The following AKR7A3 variants were observed in gnomAD, a reference collection of about 807,000 sequenced individuals.
AKR7A3 encodes AFB1 aldehyde reductase 2.
A neutral mutation model predicts 32.5 loss-of-function variants in AKR7A3; 37 were observed. The observed-to-expected ratio is 1.14, with a 90% CI of 0.88 to 1.50. The LOEUF is 1.50. Among genes scored for constraint, AKR7A3 ranks in the 40% most tolerant of loss-of-function variants. The pLI is 0.00. For synonymous variants in AKR7A3, 177 were observed against 188.4 expected, an observed-to-expected ratio of 0.94 and a Z score of 0.50; for missense variants, 412 against 453.2, an observed-to-expected ratio of 0.91 and a Z score of 0.83.
downstream of AKR7A3, among the ~76,000 whole-genome samples, chr1:19,281,967 G>A (rs1028564920): frequency 6.6e-6 from 1 of 151,916 alleles, no homozygotes; most frequent in African/African-American, 2.4e-5. Flanking sequence ...TGACTTGTTT[G>A]ATTATACAGG....
chr1:19,275,682 G>T, the AKR7A3 span, among the ~76,000 whole-genome samples: 1 of 151,748 alleles, frequency 6.6e-6, no homozygotes, highest in Non-Finnish European at 1.5e-5. Context: ...GCATGTGCCT[G>T]TGGTCCCAGT....
chr1:19,282,638 C>T lies in AKR7A3; in HGVS notation c.*93G>A. On this transcript the variant is annotated 3_prime_UTR_variant, in exon 7 of 7. Coordinates refer to ENST00000361640, the MANE Select transcript of AKR7A3 (RefSeq NM_012067.3). Reference sequence around the variant, plus strand: ...GGTTTTTGTCCAAATACTTCCATCCCTAAGAATTTACTGAGGCAGTTCTAA... The same window carrying T: ...GGTTTTTGTCCAAATACTTCCATCCTTAAGAATTTACTGAGGCAGTTCTAA... 6.3e-7 allele frequency: 1 copy of T among 1,587,134 alleles called. No homozygotes were observed. The highest frequency in any genetic ancestry group is 1.4e-5 in the African/African-American group (1 of 73,450).
rs1418168975 is a variant in AKR7A3 at position 19,284,085 on chromosome 1, C to T, written c.745G>A (p.Glu249Lys). 1 of 1,613,528 alleles carries T rather than the reference C, an allele frequency of 6.2e-7. No individual in the cohort carries two copies. The highest frequency in any genetic ancestry group is 8.5e-7 in the Non-Finnish European group (1 of 1,179,832). ...EHHFEGIALV[E>K]KALQAAYGAS... ...CCATACGCGGCCTGCAGGGCCTTCT[C>T]CACCAGGGCAATGCCCTCAAAGTGG... The change falls in exon 6 of 7, where the codon GAG becomes AAG. Residue 249 changes from glutamate (E) to lysine (K), a missense_variant. Physicochemically the swap from Glu to Lys is moderately conservative, Grantham distance 56. Transcript: ENST00000361640.
At position 19,282,716 on chromosome 1, in the gene AKR7A3, T is replaced by C. The variant is rs1324107616; in HGVS notation, c.*15A>G. The stretch of plus-strand genomic sequence containing the variant: ...TGTTACAGAAGAGCCTTGGGCAGCC[T>C]GAGAAACGATGGGCCTAGCGGAAGT... On this transcript the variant is annotated 3_prime_UTR_variant, in exon 7 of 7. Coordinates refer to ENST00000361640, the MANE Select transcript of AKR7A3 (RefSeq NM_012067.3). 2.5e-6 allele frequency: 4 copies of C among 1,613,826 alleles called. No individual in the cohort carries two copies. The highest frequency in any genetic ancestry group is 2.2e-5 in the East Asian group (1 of 44,890).
At position 19,282,868 on chromosome 1, in the gene AKR7A3, G is replaced by T; in HGVS notation, c.859C>A (p.Leu287Met). Residue 287 changes from leucine (L) to methionine (M), a missense_variant, in exon 7 of 7, where the codon CTG becomes ATG. Transcript: ENST00000361640. ...AGCTGCTCCAGGCTGGACATGCCCA[G>T]GATGACCGCGTCCCCGTGGGCACCC... ...LQGAHGDAVI[L>M]GMSSLEQLEQ... The T allele has an allele frequency of 6.2e-7, 1 of 1,612,834 alleles. No individual in the cohort carries two copies. The highest frequency in any genetic ancestry group is 8.5e-7 in the Non-Finnish European group (1 of 1,179,816).
At position 19,284,138 on chromosome 1, in the gene AKR7A3, G is replaced by A. The variant is rs1342594343; in HGVS notation, c.705-13C>T. 1.4e-5 allele frequency: 23 copies of A among 1,604,922 alleles called. No homozygotes were observed. The Middle Eastern group carries it at 5.0e-4, about 35-fold the overall frequency. On this transcript the variant is annotated splice_polypyrimidine_tract_variant and intron_variant, in intron 5 of 6. Transcript: ENST00000361640. ...CTCCTTCCAGTAGCTGGGAAGGGGG[G>A]ACGGTGGCACAGGTGTCAGGGCCAC...
chr1:19,274,615 G>C, the AKR7A3 span, among the ~76,000 whole-genome samples: 85 of 151,774 alleles, frequency 5.6e-4, no homozygotes, highest in Non-Finnish European at 1.0e-3. Flanking sequence ...TGAAAGAAAA[G>C]AACTGTTGGC....
At position 19,288,760 on chromosome 1, in the gene AKR7A3, G is replaced by A. The variant is rs1216403688; in HGVS notation, c.-51C>T. 6 of 1,413,598 alleles carry A rather than the reference G, an allele frequency of 4.2e-6. No individual in the cohort carries two copies. Among genetic ancestry groups the A allele is most frequent in the Non-Finnish European group, 5.5e-6 (6 of 1,088,824 alleles). The allele number at this position is 1,413,598 out of a possible 1,614,324, so 87.6% of individuals were successfully genotyped here. On this transcript the variant is annotated 5_prime_UTR_variant, in exon 1 of 7. Transcript: ENST00000361640. ...AGCCCAGGAGCCGCGCGCAGCGGTC[G>A]GAAGCACCAGGCTCGGAGCGGGCGG... is the stretch of plus-strand genomic sequence containing the variant.
downstream of AKR7A3, among the ~76,000 whole-genome samples, chr1:19,281,116 C>T (rs1420105310): frequency 6.6e-6 from 1 of 151,536 alleles, no homozygotes; most frequent in Non-Finnish European, 1.5e-5. Flanking sequence ...TCTCGGCTCA[C>T]TGCAACCTTC....
chr1:19,279,276 G>A (rs556235699), downstream of AKR7A3, among the ~76,000 whole-genome samples: 8 of 151,836 alleles, frequency 5.3e-5, no homozygotes, highest in African/African-American at 9.7e-5. Context: ...TTTAACAGCC[G>A]AATAATAGTC....
intron 5 of AKR7A3, among the ~76,000 whole-genome samples, chr1:19,284,385 T>C (rs2093724903): frequency 6.6e-6 from 1 of 151,938 alleles, no homozygotes; most frequent in Non-Finnish European, 1.5e-5. Flanking sequence ...GCCGCTAAGA[T>C]GGGTCAGGAC....
In AKR7A3 at chr1:19,282,601, A is replaced by G. The variant is rs2093720636; in HGVS notation, c.*130T>C. 1 of 1,452,638 alleles carries G rather than the reference A, an allele frequency of 6.9e-7. No homozygotes were observed. Among genetic ancestry groups the G allele is most frequent in the South Asian group, 1.2e-5 (1 of 80,972 alleles). 90.0% of individuals were successfully genotyped at this position (1,452,638 alleles called of 1,614,324 possible). ...GAGTTTTATTCTTCATTTGGTGGTGACTCTTCTATTAGGTTTTTGTCCAAA... is the reference window on the plus strand; with the variant it reads ...GAGTTTTATTCTTCATTTGGTGGTGGCTCTTCTATTAGGTTTTTGTCCAAA... On this transcript the variant is annotated 3_prime_UTR_variant, in exon 7 of 7. Coordinates refer to ENST00000361640, the MANE Select transcript of AKR7A3 (RefSeq NM_012067.3).
chr1:19,282,678 G>A lies in AKR7A3; in HGVS notation c.*53C>T. 6.2e-7 allele frequency: 1 copy of A among 1,612,490 alleles called. No individual in the cohort carries two copies. Among genetic ancestry groups the A allele is most frequent in the Non-Finnish European group, 8.5e-7 (1 of 1,179,148 alleles). On this transcript the variant is annotated 3_prime_UTR_variant, in exon 7 of 7. Coordinates refer to ENST00000361640, the MANE Select transcript of AKR7A3 (RefSeq NM_012067.3). Reference sequence around the variant, plus strand: ...GGCAGTTCTAAATTAAAGAAAATGTGAGTAACAAAAGATGTTACAGAAGAG... The same window carrying A: ...GGCAGTTCTAAATTAAAGAAAATGTAAGTAACAAAAGATGTTACAGAAGAG...
At chr1:19,279,379 T>C (rs1406671623), downstream of AKR7A3, among the ~76,000 whole-genome samples, 1 of 151,956 alleles carries the variant, frequency 6.6e-6, no homozygotes, top group Admixed American at 6.6e-5. Flanking sequence ...AGTAATGATA[T>C]TGTGAAAACT....
chr1:19,276,481 A>G, the AKR7A3 span, among the ~76,000 whole-genome samples: 6 of 151,574 alleles, frequency 4.0e-5, no homozygotes, highest in Non-Finnish European at 8.8e-5. Context: ...GATATACTAT[A>G]TTTTGAGGCA....
downstream of AKR7A3, among the ~76,000 whole-genome samples, chr1:19,278,289 T>C (rs1277186672): frequency 1.3e-5 from 2 of 151,752 alleles, no homozygotes; most frequent in Non-Finnish European, 2.9e-5. Flanking sequence ...CCAGGCGCAG[T>C]GGCTCACACC....
At chr1:19,283,881 T>A (rs1377520907) in intron 6 of AKR7A3, 115 bp downstream of exon 6, 4 of 1,516,008 alleles carry the variant, frequency 2.6e-6, no homozygotes, top group Admixed American at 4.2e-5. Flanking sequence ...TTTGTGAGAG[T>A]TGAAAGAAAG....
rs1347071154 is a variant in AKR7A3, at chr1:19,285,061, G to C, written c.561C>G (p.Leu187=). ...CATAGAACCTCAGTCCAAAGTGCCTGAGGCAGGGGAAGAGCTCCGTTTCCA... is the reference window on the plus strand; with the variant it reads ...CATAGAACCTCAGTCCAAAGTGCCTCAGGCAGGGGAAGAGCTCCGTTTCCA... ...RQVETELFPC[L]RHFGLRFYAF... The change falls in exon 4 of 7, where the codon CTC becomes CTG. Residue 187 remains leucine (L), a synonymous_variant. Transcript: ENST00000361640. 1.2e-6 allele frequency: 2 copies of C among 1,613,436 alleles called. No homozygotes were observed. Among genetic ancestry groups the C allele is most frequent in the Non-Finnish European group, 8.5e-7 (1 of 1,179,866 alleles).
At chr1:19,277,119 A>C in the AKR7A3 span, among the ~76,000 whole-genome samples, 127 of 152,140 alleles carry the variant, frequency 8.3e-4, 1 homozygote, top group Admixed American at 4.6e-3. Flanking sequence ...GTCTCAAAAA[A>C]AAGAAAAGAA....
Sources: allele counts gnomAD v4.1 joint callset (sites outside exome capture counted in the v4.1 genomes callset), GRCh38; gene constraint gnomAD v4.1.1; transcripts MANE v1.5; gene names NCBI Gene and HGNC (gene_info 2026-07-23, HGNC 2026-07-21).